Variants in RFX3 observed in about 807,000 individuals in gnomAD.
RFX3 encodes the protein regulatory factor X3.
Under a neutral mutation model 98.6 loss-of-function variants are expected in RFX3, and 14 were observed. That is an observed-to-expected ratio of 0.14 (90% confidence interval 0.09 to 0.22). The LOEUF (loss-of-function observed/expected upper bound fraction) is 0.22, where lower values mean the gene tolerates loss of function less well. RFX3 is among the 10% of genes least tolerant of loss of function. The pLI is 1.00. For synonymous variants in RFX3, 383 were observed against 328.4 expected, an observed-to-expected ratio of 1.17 and a Z score of -1.80; for missense variants, 639 against 926.9, an observed-to-expected ratio of 0.69 and a Z score of 4.03.
chr9:3,337,715 T>C (rs1833356552), intron 3 of RFX3, among the ~76,000 whole-genome samples: 1 of 152,230 alleles, frequency 6.6e-6, no homozygotes, highest in African/African-American at 2.4e-5. Context: ...TGACATCACT[T>C]GTGCCTGCCT....
At chr9:3,321,139 G>C (rs1356647680) in intron 4 of RFX3, among the ~76,000 whole-genome samples, 2 of 151,872 alleles carry the variant, frequency 1.3e-5, no homozygotes, top group Non-Finnish European at 2.9e-5. Context: ...CCTGACCTCA[G>C]GTGATCCACC....
intron 2 of RFX3, among the ~76,000 whole-genome samples, chr9:3,393,467 C>T (rs949235695): frequency 4.6e-5 from 7 of 152,138 alleles, no homozygotes; most frequent in Non-Finnish European, 1.0e-4. Context: ...TAGTGATAGG[C>T]ACTCTCTCAA....
intron 10 of RFX3, 156 bp from the exon 11 acceptor site, chr9:3,270,681 G>C: frequency 1.3e-6 from 1 of 756,170 alleles, no homozygotes; most frequent in Non-Finnish European, 2.1e-6. Flanking sequence ...TACCGAGAGA[G>C]ACAGACAGAT....
intron 1 of RFX3, among the ~76,000 whole-genome samples, chr9:3,472,817 G>T (rs190363109): frequency 6.6e-6 from 1 of 152,124 alleles, no homozygotes; most frequent in Non-Finnish European, 1.5e-5. Flanking sequence ...TTGGACAACT[G>T]CTATAGTATC....
At chr9:3,522,556 CGTGTGTGT>C (rs111656079) in intron 1 of RFX3, among the ~76,000 whole-genome samples, 154 of 145,376 alleles carry the variant, frequency 1.1e-3, no homozygotes, top group East Asian at 5.2e-3. Context: ...AGTGTGTGTG[CGTGTGTGT>C]GTGTGTGTGT....
At chr9:3,426,103 T>C (rs1056740058) in intron 1 of RFX3, among the ~76,000 whole-genome samples, 5 of 152,190 alleles carry the variant, frequency 3.3e-5, no homozygotes, top group Admixed American at 3.3e-4. Context: ...TTACAACTTT[T>C]ATACCATGTT....
chr9:3,367,934 T>C (rs1357772029), intron 2 of RFX3, among the ~76,000 whole-genome samples: 1 of 152,178 alleles, frequency 6.6e-6, no homozygotes. Flanking sequence ...ATCCCTAGAA[T>C]TGAAAATCTA....
intron 15 of RFX3, among the ~76,000 whole-genome samples, chr9:3,231,816 C>A (rs1818486755): frequency 1.3e-5 from 2 of 152,048 alleles, no homozygotes; most frequent in Non-Finnish European, 2.9e-5. Context: ...ATAATCCCAG[C>A]ACTTTGGGAG....
chr9:3,420,404 T>A (rs1048847886), intron 1 of RFX3, among the ~76,000 whole-genome samples: 5 of 152,198 alleles, frequency 3.3e-5, no homozygotes, highest in Non-Finnish European at 5.9e-5. Flanking sequence ...AATATCACCA[T>A]CAAATACTTA....
chr9:3,432,374 G>T (rs967004884), intron 1 of RFX3, among the ~76,000 whole-genome samples: 1 of 152,144 alleles, frequency 6.6e-6, no homozygotes, highest in African/African-American at 2.4e-5. Context: ...CGATACTATG[G>T]AAGAGAACCC....
intron 1 of RFX3, among the ~76,000 whole-genome samples, chr9:3,479,210 T>A (rs1849529083): frequency 6.6e-6 from 1 of 152,188 alleles, no homozygotes; most frequent in Non-Finnish European, 1.5e-5. Context: ...CAATTCATAC[T>A]CCTGCTTAAT....
rs201153476 is a variant in RFX3 at position 3,375,716 on chromosome 9, C to T, written c.117+19756G>A. 3.3e-5 allele frequency among the ~76,000 whole-genome samples: 5 copies of T among 152,052 alleles called. No individual in the cohort carries two copies. The East Asian group carries it at 5.8e-4, about 18-fold the overall frequency. On this transcript the variant is annotated intron_variant, in intron 2 of 16. Transcript: ENST00000617270. ...TGGCTCACACCTGTAATCCCAGCAC[C>T]TTGGGAGGCCAAGGCGGGTGGATCA...
At chr9:3,244,626 C>A (rs1359333317) in intron 15 of RFX3, among the ~76,000 whole-genome samples, 1 of 152,152 alleles carries the variant, frequency 6.6e-6, no homozygotes, top group Non-Finnish European at 1.5e-5. Flanking sequence ...TCACCCCTTA[C>A]CTTCAGATTC....
chr9:3,250,790 A>G (rs898084925), intron 14 of RFX3, among the ~76,000 whole-genome samples: 3 of 152,144 alleles, frequency 2.0e-5, no homozygotes, highest in Admixed American at 6.6e-5. Context: ...AAGTAGTAAC[A>G]TACAAAGATG....
intron 1 of RFX3, among the ~76,000 whole-genome samples, chr9:3,498,390 T>A (rs1851262461): frequency 6.6e-6 from 1 of 151,984 alleles, no homozygotes; most frequent in Non-Finnish European, 1.5e-5. Flanking sequence ...TAATCATCAG[T>A]TTTATATGAA....
chr9:3,299,412 C>G (rs1828378713), intron 5 of RFX3, among the ~76,000 whole-genome samples: 2 of 151,820 alleles, frequency 1.3e-5, no homozygotes, highest in South Asian at 4.1e-4. Context: ...AAGCACTGAT[C>G]CTTTCTCCAC....
chr9:3,374,195 G>T (rs1838190659), intron 2 of RFX3, among the ~76,000 whole-genome samples: 2 of 152,148 alleles, frequency 1.3e-5, no homozygotes, highest in East Asian at 3.9e-4. Context: ...TGAGGGTGTG[G>T]AGAAATTGGA....
intron 1 of RFX3, among the ~76,000 whole-genome samples, chr9:3,423,068 T>G (rs1843594295): frequency 6.6e-6 from 1 of 152,228 alleles, no homozygotes; most frequent in Non-Finnish European, 1.5e-5. Flanking sequence ...TGCAGATTCC[T>G]GATGACTACA....
chr9:3,320,162 C>T (rs2130718340), intron 4 of RFX3, among the ~76,000 whole-genome samples: 1 of 152,196 alleles, frequency 6.6e-6, no homozygotes, highest in Admixed American at 6.5e-5. Flanking sequence ...AGAGCTTGTC[C>T]AAAATTTTTA....
Sources: allele counts gnomAD v4.1 joint callset (sites outside exome capture counted in the v4.1 genomes callset), GRCh38; gene constraint gnomAD v4.1.1; transcripts MANE v1.5; gene names NCBI Gene and HGNC (gene_info 2026-07-23, HGNC 2026-07-21).